Variants in TRPC6 observed in about 807,000 individuals in gnomAD.
TRPC6 encodes the protein transient receptor potential cation channel subfamily C member 6.
Under a neutral mutation model 90.7 loss-of-function variants are expected in TRPC6, and 55 were observed. That is an observed-to-expected ratio of 0.61 (90% CI 0.49 to 0.76). The LOEUF (loss-of-function observed/expected upper bound fraction) is 0.76, where lower values mean the gene tolerates loss of function less well. Ranked by LOEUF, TRPC6 falls within the 30% of genes least tolerant of loss-of-function variation. The pLI, the probability that TRPC6 is intolerant of heterozygous loss-of-function variation, is 0.00. For missense variants in TRPC6, 989 were observed against 1,122.7 expected (o/e 0.88, Z 1.70); for synonymous variants, 393 against 393.0 (o/e 1.00, Z 0.00).
intron 1 of TRPC6, among the ~76,000 whole-genome samples, chr11:101,575,381 T>C (rs1038207330): frequency 1.3e-5 from 2 of 152,162 alleles, no homozygotes; most frequent in South Asian, 4.1e-4. Flanking sequence ...AAATAAGAGA[T>C]AAAACAAAAT....
In TRPC6 at chr11:101,453,095, C is replaced by T. The variant is rs267602664; in HGVS notation, c.2656G>A (p.Glu886Lys). Residue 886 changes from glutamate (E) to lysine (K), a missense_variant, in exon 13 of 13, where the codon GAA becomes AAA. Glu to Lys is a moderately conservative substitution (Grantham distance 56). Transcript: ENST00000344327. ...AGACTTGAGATGTCCTGCTTAATTT[C>T]CTTCAGTTCCCCTTTGAAAGCAAGA... The part of the protein sequence containing the change: ...SDEVNEGELK[E>K]IKQDISSLRY... 6.2e-7 allele frequency: 1 copy of T among 1,612,082 alleles called. No homozygotes were observed. The highest frequency in any genetic ancestry group is 8.5e-7 in the Non-Finnish European group (1 of 1,179,678).
intron 2 of TRPC6, among the ~76,000 whole-genome samples, chr11:101,499,108 G>A (rs10895124): frequency 0.47 from 71,283 of 151,966 alleles, 17,214 homozygotes; most frequent in African/African-American, 0.58. Flanking sequence ...CTTCTTGAGT[G>A]AGAGTCCAGA....
Position 101,483,918 on chromosome 11 carries a change from C to T in TRPC6, c.1294-753G>A, listed in dbSNP as rs562342648. On this transcript the variant is annotated intron_variant, in intron 4 of 12. Coordinates refer to ENST00000344327, the MANE Select transcript of TRPC6 (RefSeq NM_004621.6). ...TTTATAGTACACGATTCATCTCTGT[C>T]TAAGAGGTACAGATCTTCACCTAGG... Among the ~76,000 whole-genome samples, 12 of 152,216 alleles carry T rather than the reference C, an allele frequency of 7.9e-5. No individual in the cohort carries two copies. The South Asian group carries it at 2.3e-3, about 29-fold the overall frequency.
chr11:101,460,718 C>A (rs1858985199), intron 10 of TRPC6, among the ~76,000 whole-genome samples: 1 of 152,112 alleles, frequency 6.6e-6, no homozygotes, highest in African/African-American at 2.4e-5. Context: ...ATTGTGAATG[C>A]ACTTAATGCT....
At chr11:101,525,815 G>A (rs1860766119) in intron 1 of TRPC6, among the ~76,000 whole-genome samples, 1 of 152,190 alleles carries the variant, frequency 6.6e-6, no homozygotes, top group Non-Finnish European at 1.5e-5. Context: ...CATATTTGAA[G>A]TTGAGAGGAT....
rs1166182552 is a variant in TRPC6 at position 101,546,050 on chromosome 11, C to CTTT, written c.170+37281_170+37283dup. ...TGGATCTAGTATCACATTTATAACTCTTTTTTTTTTTTTTTTTTTTTTTTT... is the reference window on the plus strand; with the variant it reads ...TGGATCTAGTATCACATTTATAACTCTTTTTTTTTTTTTTTTTTTTTTTTTTTT... On this transcript the variant is annotated intron_variant, in intron 1 of 12. Coordinates refer to ENST00000344327, the MANE Select transcript of TRPC6 (RefSeq NM_004621.6). Among the ~76,000 whole-genome samples the CTTT allele has an allele frequency of 5.0e-4, 15 of 29,730 alleles. 4 individuals are homozygous for CTTT. The highest frequency in any genetic ancestry group is 1.2e-3 in the African/African-American group (9 of 7,734). The allele number at this position is 29,730 out of a possible 152,430, so 19.5% of individuals were successfully genotyped here.
intron 1 of TRPC6, among the ~76,000 whole-genome samples, chr11:101,545,550 A>G (rs1169971430): frequency 1.3e-5 from 2 of 152,154 alleles, no homozygotes; most frequent in African/African-American, 2.4e-5. Flanking sequence ...AATCCATAAA[A>G]TAGCTTTCTT....
At chr11:101,562,206 C>T (rs977154118) in intron 1 of TRPC6, among the ~76,000 whole-genome samples, 1 of 151,828 alleles carries the variant, frequency 6.6e-6, no homozygotes, top group Non-Finnish European at 1.5e-5. Context: ...GAGAAAGAGA[C>T]ATAATTGACT....
intron 1 of TRPC6, among the ~76,000 whole-genome samples, chr11:101,540,738 T>C (rs6590881): frequency 0.53 from 81,277 of 152,108 alleles, 22,873 homozygotes; most frequent in Middle Eastern, 0.62. Context: ...AATTTGAGTA[T>C]GAACTCTAAA....
intron 11 of TRPC6, among the ~76,000 whole-genome samples, chr11:101,454,786 T>A (rs1232024142): frequency 1.3e-5 from 2 of 151,984 alleles, no homozygotes; most frequent in African/African-American, 4.8e-5. Context: ...CAATGAACAC[T>A]CTCTTTTTTA....
chr11:101,459,877 T>C (rs1184972709), intron 10 of TRPC6, among the ~76,000 whole-genome samples: 5 of 152,200 alleles, frequency 3.3e-5, no homozygotes, highest in African/African-American at 1.2e-4. Context: ...ATATTACATT[T>C]GCGTAGTGTT....
chr11:101,492,332 C>A (rs983490583), intron 2 of TRPC6, among the ~76,000 whole-genome samples: 1 of 151,986 alleles, frequency 6.6e-6, no homozygotes. Context: ...GCCTGTAATC[C>A]CCTCACTTTG....
chr11:101,457,551 A>G (rs1039605844), intron 10 of TRPC6, among the ~76,000 whole-genome samples: 17 of 152,198 alleles, frequency 1.1e-4, no homozygotes, highest in African/African-American at 4.1e-4. Context: ...GAACAGAGCA[A>G]TGAACTGAAA....
chr11:101,462,886 C>T (rs533145127), intron 10 of TRPC6, among the ~76,000 whole-genome samples: 49 of 152,140 alleles, frequency 3.2e-4, no homozygotes, highest in Non-Finnish European at 6.2e-4. Context: ...TCTCTTGTGC[C>T]GATTTTCAAA....
intron 1 of TRPC6, among the ~76,000 whole-genome samples, chr11:101,554,162 G>A (rs1195935058): frequency 6.6e-6 from 1 of 152,086 alleles, no homozygotes; most frequent in Non-Finnish European, 1.5e-5. Flanking sequence ...GCTCCAGGCA[G>A]ACAGACCAGT....
chr11:101,528,777 A>G (rs1274881932), intron 1 of TRPC6, among the ~76,000 whole-genome samples: 1 of 152,162 alleles, frequency 6.6e-6, no homozygotes, highest in East Asian at 1.9e-4. Flanking sequence ...CATTGGGCCA[A>G]ATGGAATTTC....
At chr11:101,582,449 A>C (rs1215680658) in intron 1 of TRPC6, among the ~76,000 whole-genome samples, 1 of 152,184 alleles carries the variant, frequency 6.6e-6, no homozygotes, top group African/African-American at 2.4e-5. Context: ...GCAATGGGAC[A>C]GAAATGCTAT....
chr11:101,504,255 G>A lies in TRPC6; in HGVS notation c.714C>T (p.Leu238=), dbSNP rs1860199869. ...HCQEYEIVHT[L]LRKGARIERP... The stretch of plus-strand genomic sequence containing the variant: ...GTTCAATCCTAGCACCCTTCCGCAG[G>A]AGGGTATGCACAATTTCATATTCCT... The change falls in exon 2 of 13, where the codon CTC becomes CTT. Residue 238 remains leucine (L), a synonymous_variant. Transcript: ENST00000344327. 3.1e-6 allele frequency: 5 copies of A among 1,613,918 alleles called. No homozygotes were observed.
intron 2 of TRPC6, among the ~76,000 whole-genome samples, chr11:101,498,874 G>C (rs1264729479): frequency 6.6e-6 from 1 of 151,798 alleles, no homozygotes; most frequent in Non-Finnish European, 1.5e-5. Flanking sequence ...TTAAACAACA[G>C]AGAGTCCCCC....
Sources: allele counts gnomAD v4.1 joint callset (sites outside exome capture counted in the v4.1 genomes callset), GRCh38; gene constraint gnomAD v4.1.1; transcripts MANE v1.5; gene names NCBI Gene and HGNC (gene_info 2026-07-23, HGNC 2026-07-21).